TEX11: variants seen among roughly 807,000 people sequenced by gnomAD.
TEX11 encodes the protein testis expressed 11, also known as testis-expressed protein 11.
In TEX11, 7 loss-of-function variants were observed where a neutral mutation model predicts 84.4. That is an observed-to-expected ratio of 0.08 (90% confidence interval 0.05 to 0.16). The LOEUF (loss-of-function observed/expected upper bound fraction) is 0.16, where lower values mean the gene tolerates loss of function less well. Among genes scored for constraint, TEX11 ranks in the 10% least tolerant of loss-of-function variants. TEX11 has a pLI of 1.00. For synonymous variants in TEX11, 264 were observed against 222.8 expected (o/e 1.18, Z -1.64); for missense variants, 551 against 660.5 (o/e 0.83, Z 1.82).
At chrX:70,728,368 C>T (rs933894128) in intron 11 of TEX11, among the ~76,000 whole-genome samples, 2 of 113,045 alleles carry the variant, frequency 1.8e-5, no homozygotes, top group Non-Finnish European at 1.9e-5. Context: ...GGCGAGGCAT[C>T]GCCTCACCAG....
chrX:70,567,141 A>G (rs1355111576), intron 25 of TEX11, among the ~76,000 whole-genome samples: 1 of 110,868 alleles, frequency 9.0e-6, no homozygotes, highest in Non-Finnish European at 1.9e-5. Context: ...GGGAGGGTGT[A>G]TGTGTCGAGG....
At chrX:70,522,377 G>T in the TEX11 span, among the ~76,000 whole-genome samples, 2 of 112,207 alleles carry the variant, frequency 1.8e-5, no homozygotes, top group East Asian at 5.6e-4. Flanking sequence ...CTCTTAGTGG[G>T]TATGCATTAA....
At chrX:70,858,107 A>G (rs2091546810) in intron 5 of TEX11, among the ~76,000 whole-genome samples, 2 of 108,977 alleles carry the variant, frequency 1.8e-5, no homozygotes, top group African/African-American at 3.3e-5. Flanking sequence ...GATGCCTTGT[A>G]TACTGCTTGG....
chrX:70,752,524 CAA>C (rs753939405), intron 9 of TEX11, among the ~76,000 whole-genome samples: 1 of 28,185 alleles, frequency 3.5e-5, no homozygotes. Context: ...TACTCTGTCT[CAA>C]AAAAAAAAAA....
At chrX:70,557,875 G>A (rs57619303) in intron 25 of TEX11, among the ~76,000 whole-genome samples, 9,267 of 111,783 alleles carry the variant, frequency 0.083, 846 homozygotes, top group African/African-American at 0.27. Context: ...GAGGCTGGGC[G>A]CAGTGGCTCA....
chrX:70,862,052 A>G (rs1011956677), intron 4 of TEX11, among the ~76,000 whole-genome samples: 13 of 109,335 alleles, frequency 1.2e-4, no homozygotes, highest in African/African-American at 3.7e-4. Flanking sequence ...ATACAGTGGC[A>G]TGATCATAGC....
At chrX:70,749,490 G>C (rs1213165030) in intron 9 of TEX11, among the ~76,000 whole-genome samples, 2 of 108,955 alleles carry the variant, frequency 1.8e-5, no homozygotes, top group African/African-American at 3.4e-5. Flanking sequence ...GGGCATCCCT[G>C]TCTTGTGCCA....
intron 14 of TEX11, among the ~76,000 whole-genome samples, chrX:70,681,844 T>C (rs2147657611): frequency 8.9e-6 from 1 of 111,812 alleles, no homozygotes; most frequent in East Asian, 2.8e-4. Flanking sequence ...CAGTAAAATA[T>C]GGCTCTTAGA....
intron 16 of TEX11, among the ~76,000 whole-genome samples, chrX:70,668,641 A>G (rs1016909119): frequency 3.6e-5 from 4 of 112,455 alleles, no homozygotes; most frequent in African/African-American, 1.3e-4. Flanking sequence ...CTGTTCTCCT[A>G]TTCTTCCTAA....
intron 8 of TEX11, among the ~76,000 whole-genome samples, chrX:70,813,275 G>A (rs1466359266): frequency 1.8e-5 from 2 of 111,803 alleles, no homozygotes; most frequent in African/African-American, 6.5e-5. Context: ...TCATCCCTGG[G>A]ATGCAAGGCT....
At chrX:70,825,783 C>T (rs1406174323) in intron 8 of TEX11, among the ~76,000 whole-genome samples, 1 of 110,353 alleles carries the variant, frequency 9.1e-6, no homozygotes, top group African/African-American at 3.3e-5. Context: ...CAAGACCAGC[C>T]TGGCCAACAT....
intron 11 of TEX11, among the ~76,000 whole-genome samples, chrX:70,731,267 T>G (rs779368537): frequency 9.0e-6 from 1 of 110,895 alleles, no homozygotes; most frequent in East Asian, 2.8e-4. Context: ...AGCAAACACA[T>G]GCAAAAGCTA....
In TEX11 at chrX:70,812,442, C is replaced by T. The variant is rs1323246116; in HGVS notation, c.607-5652G>A. Among the ~76,000 whole-genome samples, 7 of 110,626 alleles carry T rather than the reference C, an allele frequency of 6.3e-5. No individual in the cohort carries two copies. In the South Asian group the frequency reaches 2.7e-3, roughly 43 times the overall value. ...CAGGATGGTCTCGATCTCCTGACCT[C>T]GTGATCTGCCCGTCTCGGCCTCCCA... On this transcript the variant is annotated intron_variant, in intron 8 of 29. Transcript: ENST00000374333.
intron 2 of TEX11, among the ~76,000 whole-genome samples, chrX:70,891,355 T>C (rs765629996): frequency 1.4e-3 from 152 of 111,213 alleles, no homozygotes; most frequent in Middle Eastern, 4.6e-3. Flanking sequence ...TCACCAACAA[T>C]GGAACAAAGC....
chrX:70,652,936 G>GA (rs199997157), intron 16 of TEX11, among the ~76,000 whole-genome samples: 163 of 105,937 alleles, frequency 1.5e-3, no homozygotes, highest in African/African-American at 4.9e-3. Flanking sequence ...AGACTGCAAT[G>GA]AAAAAAAAAA....
intron 17 of TEX11, among the ~76,000 whole-genome samples, chrX:70,636,639 A>G (rs373928208): frequency 8.0e-5 from 9 of 112,144 alleles, no homozygotes; most frequent in African/African-American, 2.6e-4. Flanking sequence ...ATTCAGACTC[A>G]CCACTTTAGT....
intron 5 of TEX11, among the ~76,000 whole-genome samples, chrX:70,860,367 C>T (rs1248511473): frequency 8.9e-6 from 1 of 111,893 alleles, no homozygotes; most frequent in Non-Finnish European, 1.9e-5. Flanking sequence ...CTCTATAACA[C>T]TCTAAGGTAG....
At chrX:70,872,242 A>G (rs181118803) in intron 4 of TEX11, among the ~76,000 whole-genome samples, 11 of 112,203 alleles carry the variant, frequency 9.8e-5, no homozygotes, top group African/African-American at 3.2e-4. Context: ...GGCTCCTGGG[A>G]GCAATGATAT....
intron 11 of TEX11, among the ~76,000 whole-genome samples, 195 bp from the exon 12 acceptor site, chrX:70,725,538 T>A (rs1157808515): frequency 8.9e-6 from 1 of 111,988 alleles, no homozygotes; most frequent in Non-Finnish European, 1.9e-5. Context: ...CTAAATGAAA[T>A]AATATATGGA....
Sources: allele counts gnomAD v4.1 joint callset (sites outside exome capture counted in the v4.1 genomes callset), GRCh38; gene constraint gnomAD v4.1.1; transcripts MANE v1.5; gene names NCBI Gene and HGNC (gene_info 2026-07-23, HGNC 2026-07-21).